The following SHE variants were observed in gnomAD, a reference collection of about 807,000 sequenced individuals.
The protein encoded by SHE is Src homology 2 domain containing E.
SHE carries 11 observed loss-of-function variants against 49.8 expected under a neutral mutation model. That is an observed-to-expected ratio of 0.22 (90% confidence interval 0.14 to 0.37). SHE has a LOEUF of 0.37. SHE is among the 10% of genes least tolerant of loss of function. SHE has a pLI of 1.00. For missense variants in SHE, 624 were observed against 655.5 expected, an observed-to-expected ratio of 0.95 and a Z score of 0.52; for synonymous variants, 310 against 278.1, an observed-to-expected ratio of 1.11 and a Z score of -1.14.
At position 154,485,973 on chromosome 1, in the gene SHE, GACTC is replaced by G. The variant is rs1194223417; in HGVS notation, c.1267_1270del (p.Glu423GlnfsTer10). The G allele has an allele frequency of 1.2e-6, 2 of 1,613,968 alleles. No homozygotes were observed. The highest frequency in any genetic ancestry group is 1.3e-5 in the African/African-American group (1 of 74,906). On this transcript the variant is annotated frameshift_variant, in exon 5 of 6. Coordinates refer to ENST00000304760, the MANE Select transcript of SHE (RefSeq NM_001010846.3). LOFTEE classifies it high-confidence loss of function. ...GGCAATGGAGTACCTGCTGTTCCCTGACTCACTATTTCGAACCAGGTAACCAGCT... is the reference window on the plus strand; with the variant it reads ...GGCAATGGAGTACCTGCTGTTCCCTGACTATTTCGAACCAGGTAACCAGCT...
chr1:154,496,015 A>G (rs1432020538), intron 2 of SHE, among the ~76,000 whole-genome samples: 1 of 152,234 alleles, frequency 6.6e-6, no homozygotes, highest in Middle Eastern at 3.2e-3. Flanking sequence ...AATCAGGTAC[A>G]CAAGGAGCAA....
intron 2 of SHE, among the ~76,000 whole-genome samples, chr1:154,494,125 T>C (rs998899148): frequency 6.6e-6 from 1 of 152,232 alleles, no homozygotes; most frequent in African/African-American, 2.4e-5. Flanking sequence ...ATTTTCCTCC[T>C]GGAATCAGAA....
chr1:154,490,222 A>G (rs1046626984), intron 2 of SHE, among the ~76,000 whole-genome samples: 1 of 152,254 alleles, frequency 6.6e-6, no homozygotes, highest in Non-Finnish European at 1.5e-5. Flanking sequence ...TCCAGGATAA[A>G]TCAAAGTAAA....
At chr1:154,471,705 C>A (rs59844441) in intron 1 of SHE, among the ~76,000 whole-genome samples, 1 of 150,048 alleles carries the variant, frequency 6.7e-6, no homozygotes, top group Non-Finnish European at 1.5e-5. Context: ...CTCTCTCTCT[C>A]TGTGTGTGTG....
chr1:154,470,305 AG>A (rs1180683981), exon 2 of SHE: 63 of 1,288,630 alleles, frequency 4.9e-5, no homozygotes, highest in Non-Finnish European at 6.3e-5. Context: ...CATTGCTGTT[AG>A]GATGACATGG....
intron 3 of SHE, among the ~76,000 whole-genome samples, chr1:154,486,974 A>ACCAC (rs1692198687): frequency 6.6e-6 from 1 of 152,096 alleles, no homozygotes; most frequent in Non-Finnish European, 1.5e-5. Context: ...TGGACTTTTA[A>ACCAC]AAAACTTGTG....
At chr1:154,500,751 G>A (rs1692694082) in intron 1 of SHE, among the ~76,000 whole-genome samples, 1 of 152,240 alleles carries the variant, frequency 6.6e-6, no homozygotes, top group African/African-American at 2.4e-5. Flanking sequence ...TGTGTCCGTC[G>A]CAGGAAACAC....
chr1:154,487,505 A>G lies in SHE; in HGVS notation c.1025-822T>C, dbSNP rs1692216661. ...GCTGGAGAGAAGGAGATGAAATGGC[A>G]GCACCTGGCACAGGACTGAGCAGGT... On this transcript the variant is annotated intron_variant, in intron 3 of 5. Transcript: ENST00000304760. 2.0e-5 allele frequency among the ~76,000 whole-genome samples: 3 copies of G among 152,188 alleles called. No homozygotes were observed. In the South Asian group the frequency reaches 6.2e-4, roughly 32 times the overall value.
chr1:154,470,503 C>G (rs540888542), intron 1 of SHE: 1 of 790,950 alleles, frequency 1.3e-6, no homozygotes, highest in African/African-American at 1.8e-5. Flanking sequence ...ACAGTGTTTG[C>G]CATCCTCCAT....
At chr1:154,493,817 C>T (rs1240673920) in intron 2 of SHE, among the ~76,000 whole-genome samples, 14 of 152,198 alleles carry the variant, frequency 9.2e-5, no homozygotes, top group Admixed American at 6.5e-4. Flanking sequence ...GTCTAACTCA[C>T]GGCTGTACTG....
chr1:154,483,344 G>C lies in SHE; in HGVS notation c.*805C>G, dbSNP rs1692072000. The C allele has an allele frequency of 2.0e-6, 2 of 985,284 alleles. No homozygotes were observed. Among genetic ancestry groups the C allele is most frequent in the East Asian group, 2.3e-4 (2 of 8,826 alleles). 61.0% of individuals were successfully genotyped at this position (985,284 alleles called of 1,614,324 possible). A position where few individuals can be genotyped will look rare whatever the true frequency, so the allele number is the denominator to read the frequency against. ...TCCAGAGCTGAATTAGGACTTCTGA[G>C]GGAGAAAGACCACCTTCTTGCCCGT... On this transcript the variant is annotated 3_prime_UTR_variant, in exon 6 of 6. Transcript: ENST00000304760.
chr1:154,495,234 C>T (rs971318643), intron 2 of SHE, among the ~76,000 whole-genome samples: 3 of 152,242 alleles, frequency 2.0e-5, no homozygotes, highest in East Asian at 3.9e-4. Flanking sequence ...TGTTTCAAAG[C>T]GGTGGCTAAA....
intron 1 of SHE, among the ~76,000 whole-genome samples, chr1:154,473,122 C>T (rs957248942): frequency 6.6e-6 from 1 of 151,894 alleles, no homozygotes; most frequent in African/African-American, 2.4e-5. Context: ...CCTCAGCCTC[C>T]CGAGTAGCTG....
intron 2 of SHE, among the ~76,000 whole-genome samples, chr1:154,492,659 G>C (rs1692403749): frequency 6.6e-6 from 1 of 152,172 alleles, no homozygotes; most frequent in Non-Finnish European, 1.5e-5. Flanking sequence ...TCTGTTCTTG[G>C]TTCAATTAAG....
chr1:154,498,444 C>A (rs1234672844), intron 2 of SHE, among the ~76,000 whole-genome samples: 2 of 146,020 alleles, frequency 1.4e-5, no homozygotes, highest in African/African-American at 5.1e-5. Context: ...GCTGCCCAGG[C>A]TGGAGTGCAG....
intron 1 of SHE, chr1:154,470,469 A>G (rs1265338839): frequency 1.9e-6 from 2 of 1,072,082 alleles, no homozygotes; most frequent in African/African-American, 1.6e-5. Flanking sequence ...AATATCTGTG[A>G]GAATTACAGG....
intron 2 of SHE, among the ~76,000 whole-genome samples, chr1:154,494,260 C>T (rs1692455471): frequency 1.3e-5 from 2 of 152,116 alleles, no homozygotes; most frequent in South Asian, 4.2e-4. Flanking sequence ...ATTCAGAAAC[C>T]CTGAAATTTA....
chr1:154,502,045 T>C lies in SHE; in HGVS notation c.-19A>G. On this transcript the variant is annotated 5_prime_UTR_variant, in exon 1 of 6. Coordinates refer to ENST00000304760, the MANE Select transcript of SHE (RefSeq NM_001010846.3). ...ACTGCATTCCCCGTGACTGGGGCGC[T>C]GGAGGCCGCGGCGAGGCCCCGCGAC... 1 of 1,273,810 alleles carries C rather than the reference T, an allele frequency of 7.9e-7. No homozygotes were observed. Among genetic ancestry groups the C allele is most frequent in the African/African-American group, 1.6e-5 (1 of 64,472 alleles). 78.9% of individuals were successfully genotyped at this position (1,273,810 alleles called of 1,614,324 possible). A position where few individuals can be genotyped will look rare whatever the true frequency, so the allele number is the denominator to read the frequency against.
At chr1:154,487,285 A>G (rs527658517) in intron 3 of SHE, among the ~76,000 whole-genome samples, 7 of 151,654 alleles carry the variant, frequency 4.6e-5, no homozygotes, top group Non-Finnish European at 1.0e-4. Context: ...AAAAAAAAAA[A>G]GCCAAACTAC....
Sources: allele counts gnomAD v4.1 joint callset (sites outside exome capture counted in the v4.1 genomes callset), GRCh38; gene constraint gnomAD v4.1.1; transcripts MANE v1.5; gene names NCBI Gene and HGNC (gene_info 2026-07-23, HGNC 2026-07-21).